TNC: variants seen among roughly 807,000 people sequenced by gnomAD.
TNC encodes tenascin.
In TNC, 109 loss-of-function variants were observed where a neutral mutation model predicts 202.4. That is an observed-to-expected ratio of 0.54 (90% confidence interval 0.46 to 0.63). The LOEUF is 0.63. Among genes scored for constraint, TNC ranks in the 30% least tolerant of loss-of-function variants. TNC has a pLI of 0.00. For missense variants in TNC, 2,756 were observed against 2,833.3 expected, an observed-to-expected ratio of 0.97 and a Z score of 0.62; for synonymous variants, 1,007 against 1,089.7, an observed-to-expected ratio of 0.92 and a Z score of 1.50.
In TNC at chr9:115,086,239, C is replaced by T. The variant is rs1370464694; in HGVS notation, c.1492G>A (p.Asp498Asn). 1 of 1,614,218 alleles carries T rather than the reference C, an allele frequency of 6.2e-7. No homozygotes were observed. Among genetic ancestry groups the T allele is most frequent in the Non-Finnish European group, 8.5e-7 (1 of 1,180,054 alleles). The change falls in exon 3 of 28, where the codon GAT becomes AAT. Residue 498 changes from aspartate to asparagine, a missense_variant. Coordinates refer to ENST00000350763, the MANE Select transcript of TNC (RefSeq NM_002160.4). ...CTGCAGTCCCTGGGGCATTGGCGAT[C>T]CCGGCAGTCTTCCCCTGTGTAGCCG... is the stretch of plus-strand genomic sequence containing the variant. ...DDGYTGEDCR[D>N]RQCPRDCSNR...
intron 27 of TNC, among the ~76,000 whole-genome samples, chr9:115,022,306 T>C (rs80168712): frequency 0.015 from 2,360 of 152,380 alleles, 62 homozygotes; most frequent in African/African-American, 0.053. Flanking sequence ...GTGAGTATGG[T>C]AGTCCAACAG....
At chr9:115,057,836 T>A (rs1004199548) in intron 14 of TNC, among the ~76,000 whole-genome samples, 7 of 152,214 alleles carry the variant, frequency 4.6e-5, no homozygotes, top group Non-Finnish European at 4.4e-5. Flanking sequence ...GAAACCAAGA[T>A]TACTTGGATG....
At chr9:115,108,838 G>A (rs1386475974) in intron 1 of TNC, among the ~76,000 whole-genome samples, 2 of 152,138 alleles carry the variant, frequency 1.3e-5, no homozygotes, top group African/African-American at 4.8e-5. Context: ...GCCATGTGAG[G>A]ACATATAAGG....
chr9:115,048,195 C>T (rs1021723949), intron 16 of TNC, 65 bp downstream of exon 16: 57 of 1,564,304 alleles, frequency 3.6e-5, no homozygotes, highest in South Asian at 2.7e-4. Flanking sequence ...CATGGCGATC[C>T]GGTAGACAGA....
intron 10 of TNC, among the ~76,000 whole-genome samples, chr9:115,068,424 C>G (rs1564465400): frequency 6.6e-6 from 1 of 152,284 alleles, no homozygotes; most frequent in East Asian, 1.9e-4. Flanking sequence ...CAAGTGCTGG[C>G]TTGATGAGGA....
rs1176647626 is a variant in TNC at position 115,024,025 on chromosome 9, T to C, written c.6443A>G (p.Asn2148Ser). The part of the protein sequence containing the change: ...LSYKGAFWYR[N>S]CHRVNLMGRY... ...CCCCATCAGGTTGACACGGTGACAG[T>C]TCCTGTACCAGAAAGCCCCTTTGTA... Residue 2148 changes from asparagine to serine, a missense_variant, in exon 27 of 28, where the codon AAC (asparagine) becomes AGC (serine). Coordinates refer to ENST00000350763, the MANE Select transcript of TNC (RefSeq NM_002160.4). 1 of 1,614,008 alleles carries C rather than the reference T, an allele frequency of 6.2e-7. No homozygotes were observed. The highest frequency in any genetic ancestry group is 2.2e-5 in the East Asian group (1 of 44,902).
At chr9:115,091,248 G>A (rs1369695862) in intron 1 of TNC, 94 bp from the exon 2 acceptor site, 2 of 530,530 alleles carry the variant, frequency 3.8e-6, no homozygotes, top group South Asian at 2.6e-5. Context: ...TTATATCCCT[G>A]TATTTGAAGC....
rs776343539 is a variant in TNC, at chr9:115,085,921, A to G, written c.1810T>C (p.Cys604Arg). 1.9e-6 allele frequency: 3 copies of G among 1,613,442 alleles called. No individual in the cohort carries two copies. Among genetic ancestry groups the G allele is most frequent in the Non-Finnish European group, 2.5e-6 (3 of 1,179,530 alleles). Residue 604 changes from cysteine to arginine, a missense_variant, in exon 3 of 28, where the codon TGC becomes CGC. Transcript: ENST00000350763. Reference sequence around the variant, plus strand: ...TTGCAGATGCAGCGGCCCGAGACGCATTGTCCTAAGTTGTTGCAGTCACTG... The same window carrying G: ...TTGCAGATGCAGCGGCCCGAGACGCGTTGTCCTAAGTTGTTGCAGTCACTG... Reference protein sequence around the residue: ...CPSDCNNLGQCVSGRCICNEG... With the variant: ...CPSDCNNLGQRVSGRCICNEG...
At chr9:115,056,235 C>T (rs1832108782) in intron 15 of TNC, among the ~76,000 whole-genome samples, 1 of 151,704 alleles carries the variant, frequency 6.6e-6, no homozygotes, top group African/African-American at 2.4e-5. Flanking sequence ...TTCTTCATTT[C>T]TCCTGTGTTT....
chr9:115,086,128 C>T lies in TNC; in HGVS notation c.1603G>A (p.Asp535Asn), dbSNP rs1721297656. 1.2e-6 allele frequency: 2 copies of T among 1,614,012 alleles called. No individual in the cohort carries two copies. Among genetic ancestry groups the T allele is most frequent in the Non-Finnish European group, 1.7e-6 (2 of 1,179,912 alleles). ...PDCAELSCPNDCHGQGRCVNG... is the reference protein window; with the variant it reads ...PDCAELSCPNNCHGQGRCVNG... ...ACACAGCGACCCTGGCCATGGCAGT[C>T]ATTTGGACAGGAGAGTTCTGCACAG... The change falls in exon 3 of 28, where the codon GAC (aspartate) becomes AAC (asparagine). Residue 535 changes from aspartate (D) to asparagine (N), a missense_variant. Physicochemically the swap from Asp to Asn is conservative, Grantham distance 23 (BLOSUM62 1). This residue lies in a region of TNC where 2,559 missense variants were observed against 2,546.0 expected (regional missense o/e 1.01). Transcript: ENST00000350763.
At chr9:115,037,394 C>T (rs948296643) in intron 20 of TNC, among the ~76,000 whole-genome samples, 2 of 152,166 alleles carry the variant, frequency 1.3e-5, no homozygotes, top group African/African-American at 2.4e-5. Flanking sequence ...CAGTCTCTTA[C>T]TTATATTTGA....
intron 10 of TNC, among the ~76,000 whole-genome samples, chr9:115,067,435 C>T (rs80075246): frequency 0.016 from 2,387 of 152,192 alleles, 64 homozygotes; most frequent in African/African-American, 0.054. Context: ...CTTTTTTCTA[C>T]GGGTGTCTAT....
intron 22 of TNC, among the ~76,000 whole-genome samples, chr9:115,034,454 C>A (rs971362159): frequency 2.0e-5 from 3 of 152,288 alleles, no homozygotes; most frequent in South Asian, 2.1e-4. Flanking sequence ...AAACCCAAAC[C>A]AAACCAAACT....
At chr9:115,085,091 G>C (rs1588158673) in intron 3 of TNC, among the ~76,000 whole-genome samples, 1 of 152,150 alleles carries the variant, frequency 6.6e-6, no homozygotes, top group African/African-American at 2.4e-5. Context: ...GGGTAGATGA[G>C]AGGAGTACAA....
chr9:115,038,370 G>A lies in TNC; in HGVS notation c.5403C>T (p.Gly1801=), dbSNP rs180944159. The change falls in exon 20 of 28, where the codon GGC becomes GGT. Residue 1801 remains glycine (G), a synonymous_variant. Coordinates refer to ENST00000350763, the MANE Select transcript of TNC (RefSeq NM_002160.4). ...VSGSFTTALD[G]PSGLVTANIT... is the part of the protein sequence containing the mutation. The stretch of plus-strand genomic sequence containing the variant: ...TGTTGGCTGTCACCAGGCCAGATGG[G>A]CCATCCAGAGCTGCAAAGAAAGATG... 2 of 1,613,994 alleles carry A rather than the reference G, an allele frequency of 1.2e-6. No individual in the cohort carries two copies. Among genetic ancestry groups the A allele is most frequent in the Non-Finnish European group, 1.7e-6 (2 of 1,179,894 alleles).
At chr9:115,050,022 T>C (rs1365396707) in intron 15 of TNC, among the ~76,000 whole-genome samples, 1 of 152,182 alleles carries the variant, frequency 6.6e-6, no homozygotes, top group Non-Finnish European at 1.5e-5. Flanking sequence ...CATAATTCTA[T>C]CAAAAGCGAG....
chr9:115,060,670 A>ATGT (rs984917476), intron 13 of TNC, among the ~76,000 whole-genome samples: 2 of 152,236 alleles, frequency 1.3e-5, no homozygotes, highest in Non-Finnish European at 2.9e-5. Context: ...AATTAGAAAG[A>ATGT]TTATCTCATC....
At chr9:115,051,572 AT>A (rs1221090971) in intron 15 of TNC, among the ~76,000 whole-genome samples, 27 of 106,236 alleles carry the variant, frequency 2.5e-4, no homozygotes, top group South Asian at 8.6e-4. Context: ...TGGTAAATGC[AT>A]TTTTTTTTTA....
chr9:115,093,620 C>CTT lies in TNC; in HGVS notation c.-136-2468_-136-2467dup, dbSNP rs71375270. On this transcript the variant is annotated intron_variant, in intron 1 of 27. Coordinates refer to ENST00000350763, the MANE Select transcript of TNC (RefSeq NM_002160.4). ...CTACCCCTTTTCCATCAATTCTTAG[C>CTT]TTTTTTTTTTTTTTTTTAGAAAGGG... 5.4e-3 allele frequency among the ~76,000 whole-genome samples: 714 copies of CTT among 133,206 alleles called. 7 individuals carry two copies. The highest frequency in any genetic ancestry group is 0.018 in the African/African-American group (656 of 36,296). The allele number at this position is 133,206 out of a possible 152,430, so 87.4% of individuals were successfully genotyped here. A position where few individuals can be genotyped will look rare whatever the true frequency, so the allele number is the denominator to read the frequency against.
Sources: gnomAD v4.1 joint callset for allele counts (sites outside exome capture counted in the v4.1 genomes callset) on GRCh38, gnomAD v4.1.1 for gene constraint, gnomAD v4.1.1 regional missense constraint, MANE v1.5 for transcripts, NCBI Gene and HGNC (gene_info 2026-07-23, HGNC 2026-07-21) for gene names.